The following SNX10 variants were observed in gnomAD, a reference collection of about 807,000 sequenced individuals.
SNX10 encodes sorting nexin 10.
Under a neutral mutation model 28.5 loss-of-function variants are expected in SNX10, and 25 were observed. The ratio of observed to expected loss-of-function variants is 0.88; its 90% CI spans 0.64 to 1.22. The LOEUF (loss-of-function observed/expected upper bound fraction) is 1.22. Ranked by LOEUF, SNX10 falls within the 50% of genes most tolerant of loss-of-function variation. SNX10 has a pLI of 0.00. For synonymous variants in SNX10, 62 were observed against 81.4 expected, an observed-to-expected ratio of 0.76 and a Z score of 1.28; for missense variants, 223 against 242.6, an observed-to-expected ratio of 0.92 and a Z score of 0.54.
At position 26,364,003 on chromosome 7, in the gene SNX10, C is replaced by T. The variant is rs1789191255; in HGVS notation, c.112-532C>T. Among the ~76,000 whole-genome samples, 1 of 152,200 alleles carries T rather than the reference C, an allele frequency of 6.6e-6. No homozygotes were observed. The highest frequency in any genetic ancestry group is 2.1e-4 in the South Asian group (1 of 4,834). Reference sequence around the variant, plus strand: ...TCTCTGGCTCGGACGGACACGCTCCCTCTCACATACAGTAGAGAAGGGAAT... The same window carrying T: ...TCTCTGGCTCGGACGGACACGCTCCTTCTCACATACAGTAGAGAAGGGAAT... On this transcript the variant is annotated intron_variant, in intron 3 of 6. Coordinates refer to ENST00000338523, the MANE Select transcript of SNX10 (RefSeq NM_013322.3). This position sits in a 1 kb window ranked among gnomAD's most constrained non-coding sequence, Gnocchi z 4.9.
At chr7:26,333,255 T>G (rs1490576172) in intron 1 of SNX10, among the ~76,000 whole-genome samples, 1 of 152,040 alleles carries the variant, frequency 6.6e-6, no homozygotes, top group African/African-American at 2.4e-5. Context: ...TTTCCAACAA[T>G]GTTTTGTGGT....
At position 26,364,549 on chromosome 7, in the gene SNX10, T is replaced by G. The variant is rs764550132; in HGVS notation, c.126T>G (p.Cys42Trp). 1 of 1,613,762 alleles carries G rather than the reference T, an allele frequency of 6.2e-7. No homozygotes were observed. Among genetic ancestry groups the G allele is most frequent in the Non-Finnish European group, 8.5e-7 (1 of 1,179,816 alleles). The change falls in exon 4 of 7, where the codon TGT (cysteine) becomes TGG (tryptophan). Residue 42 changes from cysteine (C) to tryptophan (W), a missense_variant. Transcript: ENST00000338523. The surrounding 1 kb of genome is among the most constrained non-coding windows in gnomAD (Gnocchi z 4.9). ...TCTCTGTACAGACTAATAGCATGTGTTTTACAATGAAAACATCCTGTGTAC... is the reference window on the plus strand; with the variant it reads ...TCTCTGTACAGACTAATAGCATGTGGTTTACAATGAAAACATCCTGTGTAC... ...YEICIHTNSMCFTMKTSCVRR... is the reference protein window; with the variant it reads ...YEICIHTNSMWFTMKTSCVRR...
At chr7:26,327,082 C>G (rs1482986621) in intron 1 of SNX10, among the ~76,000 whole-genome samples, 1 of 151,798 alleles carries the variant, frequency 6.6e-6, no homozygotes, top group Non-Finnish European at 1.5e-5. Context: ...TCCAGAGTAG[C>G]TGGGATTACA....
At chr7:26,302,067 G>A (rs1306234147) in intron 1 of SNX10, among the ~76,000 whole-genome samples, 1 of 152,066 alleles carries the variant, frequency 6.6e-6, no homozygotes, top group Non-Finnish European at 1.5e-5. Flanking sequence ...TAGACAACCA[G>A]GGCTTTGTAA....
chr7:26,309,719 T>C (rs1395317340), intron 1 of SNX10, among the ~76,000 whole-genome samples: 1 of 152,134 alleles, frequency 6.6e-6, no homozygotes, highest in Non-Finnish European at 1.5e-5. Context: ...TTTTAAGCAT[T>C]TATTTCTAAG....
chr7:26,369,438 T>G (rs1324381803), intron 5 of SNX10, among the ~76,000 whole-genome samples: 1 of 152,172 alleles, frequency 6.6e-6, no homozygotes, highest in Admixed American at 6.5e-5. Flanking sequence ...CTCTCAAAAA[T>G]TTTCATTTTA....
chr7:26,321,992 C>G (rs939116762), intron 1 of SNX10, among the ~76,000 whole-genome samples: 2 of 152,130 alleles, frequency 1.3e-5, no homozygotes, highest in Non-Finnish European at 2.9e-5. Context: ...TGCCACTCTC[C>G]CATGCCTTTA....
intron 1 of SNX10, among the ~76,000 whole-genome samples, chr7:26,317,816 C>T (rs1400866366): frequency 6.6e-6 from 1 of 152,104 alleles, no homozygotes; most frequent in Non-Finnish European, 1.5e-5. Flanking sequence ...GCACATACTA[C>T]CACGCCCAGC....
Position 26,364,386 on chromosome 7 carries a change from G to T in SNX10, c.112-149G>T. ...TGTTATGTTCCTGGGTTATGTGCAA[G>T]ATTTCAGAGTACTGGCATAAATATA... On this transcript the variant is annotated intron_variant, in intron 3 of 6. Coordinates refer to ENST00000338523, the MANE Select transcript of SNX10 (RefSeq NM_013322.3). The surrounding 1 kb of genome is among the most constrained non-coding windows in gnomAD (Gnocchi z 4.9). 1.4e-6 allele frequency: 2 copies of T among 1,383,820 alleles called. No individual in the cohort carries two copies. The highest frequency in any genetic ancestry group is 3.5e-5 in the South Asian group (2 of 56,450). The allele number at this position is 1,383,820 out of a possible 1,614,324, so 85.7% of individuals were successfully genotyped here.
At position 26,373,236 on chromosome 7, in the gene SNX10, T is replaced by C. The variant is rs1282381551; in HGVS notation, c.*664T>C. On this transcript the variant is annotated 3_prime_UTR_variant, in exon 7 of 7. Coordinates refer to ENST00000338523, the MANE Select transcript of SNX10 (RefSeq NM_013322.3). The surrounding 1 kb of genome is among the most constrained non-coding windows in gnomAD (Gnocchi z 4.2). Reference sequence around the variant, plus strand: ...TAGTGCTAGTAATATTACTTATAACTGTAATATATAGATTCAGAAATACAT... The same window carrying C: ...TAGTGCTAGTAATATTACTTATAACCGTAATATATAGATTCAGAAATACAT... The C allele has an allele frequency of 6.6e-6, 1 of 152,138 alleles. No individual in the cohort carries two copies. Among genetic ancestry groups the C allele is most frequent in the African/African-American group, 2.4e-5 (1 of 41,462 alleles). 9.4% of individuals were successfully genotyped at this position (152,138 alleles called of 1,614,324 possible).
intron 5 of SNX10, among the ~76,000 whole-genome samples, chr7:26,367,029 G>A (rs577314087): frequency 8.5e-5 from 13 of 152,208 alleles, no homozygotes; most frequent in Non-Finnish European, 1.8e-4. Flanking sequence ...CATGGTTCCT[G>A]GTTTTTTTTC....
intron 1 of SNX10, among the ~76,000 whole-genome samples, chr7:26,302,475 C>G (rs202216699): frequency 1.3e-5 from 1 of 74,262 alleles, no homozygotes; most frequent in African/African-American, 3.6e-5. Flanking sequence ...ACATGGTCTC[C>G]CTCTGTGTGC....
chr7:26,352,687 T>A (rs565473672), intron 2 of SNX10, among the ~76,000 whole-genome samples: 1 of 152,102 alleles, frequency 6.6e-6, no homozygotes, highest in Non-Finnish European at 1.5e-5. Flanking sequence ...CATAATCACA[T>A]GTTAAATAAT....
rs76871234 is a variant in SNX10, at chr7:26,365,807, G to A, written c.311+662G>A. Among the ~76,000 whole-genome samples, 167 of 151,700 alleles carry A rather than the reference G, an allele frequency of 1.1e-3. 5 individuals carry two copies. In the East Asian group the frequency reaches 0.028, roughly 26 times the overall value. On this transcript the variant is annotated intron_variant, in intron 5 of 6. Transcript: ENST00000338523. The stretch of plus-strand genomic sequence containing the variant: ...GCACGCTGATTTACACCTAGACTCC[G>A]AGGCCAGGCTACCTGAGTTCAGATC...
At chr7:26,295,244 T>C (rs1786065400) in intron 1 of SNX10, among the ~76,000 whole-genome samples, 2 of 152,068 alleles carry the variant, frequency 1.3e-5, no homozygotes, top group South Asian at 4.1e-4. Flanking sequence ...GATACTTTTG[T>C]AGAGATGGGG....
intron 1 of SNX10, among the ~76,000 whole-genome samples, chr7:26,302,712 G>C (rs1400334374): frequency 6.6e-6 from 1 of 152,148 alleles, no homozygotes; most frequent in Non-Finnish European, 1.5e-5. Context: ...ACCCACAAAG[G>C]CTGGGCTTGG....
At chr7:26,294,378 C>T (rs1786032634) in intron 1 of SNX10, among the ~76,000 whole-genome samples, 1 of 152,208 alleles carries the variant, frequency 6.6e-6, no homozygotes, top group African/African-American at 2.4e-5. Flanking sequence ...GCACTTAACA[C>T]TCTCTGAGTT....
intron 2 of SNX10, among the ~76,000 whole-genome samples, chr7:26,350,487 T>C (rs1385803419): frequency 3.3e-5 from 5 of 152,190 alleles, no homozygotes; most frequent in African/African-American, 1.2e-4. Flanking sequence ...AAGCATGCTT[T>C]TGATATTCGG....
intron 1 of SNX10, among the ~76,000 whole-genome samples, chr7:26,339,585 A>G (rs1325619151): frequency 7.2e-6 from 1 of 139,460 alleles, no homozygotes; most frequent in African/African-American, 2.8e-5. Flanking sequence ...GTTGGAGTGC[A>G]GTGGCATGAT....
Sources: gnomAD v4.1 joint callset for allele counts (sites outside exome capture counted in the v4.1 genomes callset) on GRCh38, gnomAD v4.1.1 for gene constraint, Gnocchi (gnomAD v3.1) non-coding constraint, MANE v1.5 for transcripts, NCBI Gene and HGNC (gene_info 2026-07-23, HGNC 2026-07-21) for gene names.